Variants in MOXD1 observed in about 807,000 individuals in gnomAD.
MOXD1 encodes the protein monooxygenase DBH like 1.
MOXD1 carries 62 observed loss-of-function variants against 66.6 expected under a neutral mutation model. The ratio of observed to expected loss-of-function variants is 0.93; its 90% confidence interval spans 0.76 to 1.15. The LOEUF is 1.15. Ranked by LOEUF, MOXD1 falls within the 50% of genes most tolerant of loss-of-function variation. The probability of loss-of-function intolerance (pLI) is 0.00; values close to 1 mark genes in which losing one functional copy is unlikely to be tolerated. For synonymous variants in MOXD1, 303 were observed against 281.9 expected, an observed-to-expected ratio of 1.07 and a Z score of -0.75; for missense variants, 847 against 754.6, an observed-to-expected ratio of 1.12 and a Z score of -1.44.
At chr6:132,328,936 C>T (rs1225632663) in intron 4 of MOXD1, among the ~76,000 whole-genome samples, 1 of 151,968 alleles carries the variant, frequency 6.6e-6, no homozygotes, top group Non-Finnish European at 1.5e-5. Context: ...TCCAGGTTTG[C>T]TCTTCCTCCT....
At chr6:132,360,526 C>A (rs143141152) in intron 4 of MOXD1, among the ~76,000 whole-genome samples, 3 of 152,200 alleles carry the variant, frequency 2.0e-5, no homozygotes, top group African/African-American at 7.2e-5. Flanking sequence ...ACCTAAAATT[C>A]ATCTACTCTG....
chr6:132,331,519 A>G (rs752199116), intron 4 of MOXD1, among the ~76,000 whole-genome samples: 1 of 152,136 alleles, frequency 6.6e-6, no homozygotes, highest in Admixed American at 6.5e-5. Flanking sequence ...CTTCATAGGA[A>G]GTGCTAAAAC....
chr6:132,397,636 C>CAGAAAGAAAGAAAGAAAGAA (rs71759740), intron 1 of MOXD1, among the ~76,000 whole-genome samples: 1 of 122,312 alleles, frequency 8.2e-6, no homozygotes, highest in Non-Finnish European at 1.7e-5. Flanking sequence ...GAGAGAGAGA[C>CAGAAAGAAAGAAAGAAAGAA]AGAAAGAAAG....
intron 1 of MOXD1, among the ~76,000 whole-genome samples, chr6:132,398,361 A>G (rs1298875007): frequency 6.6e-6 from 1 of 152,264 alleles, no homozygotes; most frequent in East Asian, 1.9e-4. Context: ...AATAAAAGTC[A>G]GAAAAATTTT....
chr6:132,356,567 A>T (rs1181419488), intron 4 of MOXD1, among the ~76,000 whole-genome samples: 1 of 152,234 alleles, frequency 6.6e-6, no homozygotes, highest in Non-Finnish European at 1.5e-5. Context: ...ACTTACAAGA[A>T]CATTTACTGA....
chr6:132,348,427 T>C (rs1775710031), intron 4 of MOXD1, among the ~76,000 whole-genome samples: 1 of 152,208 alleles, frequency 6.6e-6, no homozygotes, highest in African/African-American at 2.4e-5. Context: ...AACTCAAAGA[T>C]CAAGGTGGGT....
chr6:132,382,568 C>T (rs991446217), intron 1 of MOXD1, among the ~76,000 whole-genome samples: 3 of 152,018 alleles, frequency 2.0e-5, no homozygotes, highest in Admixed American at 2.0e-4. Context: ...CTTGTTACAC[C>T]TGAAAATGAG....
chr6:132,382,005 T>A (rs933736170), intron 1 of MOXD1, among the ~76,000 whole-genome samples: 1 of 152,118 alleles, frequency 6.6e-6, no homozygotes, highest in Non-Finnish European at 1.5e-5. Context: ...TCCTCAGCTA[T>A]CTTCCTATGG....
At chr6:132,359,176 G>A (rs1474839230) in intron 4 of MOXD1, among the ~76,000 whole-genome samples, 1 of 151,540 alleles carries the variant, frequency 6.6e-6, no homozygotes, top group African/African-American at 2.4e-5. Flanking sequence ...CTGGAGTGCA[G>A]TGGTGAGAAA....
In MOXD1 at chr6:132,372,591, A is replaced by G. The variant is rs762202363; in HGVS notation, c.663+17T>C. 7.6e-6 allele frequency: 12 copies of G among 1,585,890 alleles called. No individual in the cohort carries two copies. The highest frequency in any genetic ancestry group is 1.7e-4 in the Middle Eastern group (1 of 6,040). On this transcript the variant is annotated intron_variant, in intron 4 of 11. Coordinates refer to ENST00000367963, the MANE Select transcript of MOXD1 (RefSeq NM_015529.4). ...CACTCATGAAAATTAATTTTAGCCTATGAATGAGTCACATACCTTTATTAC... is the reference window on the plus strand; with the variant it reads ...CACTCATGAAAATTAATTTTAGCCTGTGAATGAGTCACATACCTTTATTAC...
chr6:132,385,824 C>T (rs922399445), intron 1 of MOXD1, among the ~76,000 whole-genome samples: 2 of 151,578 alleles, frequency 1.3e-5, no homozygotes, highest in African/African-American at 2.4e-5. Context: ...GAAAAGAGGC[C>T]GGGCGAGGTG....
At chr6:132,363,234 A>C (rs1316157502) in intron 4 of MOXD1, among the ~76,000 whole-genome samples, 1 of 132,950 alleles carries the variant, frequency 7.5e-6, no homozygotes, top group East Asian at 2.2e-4. Context: ...AAAAAAAAAA[A>C]CCAAAGAGAC....
chr6:132,314,692 C>T (rs1165267420), intron 10 of MOXD1, among the ~76,000 whole-genome samples: 3 of 152,116 alleles, frequency 2.0e-5, no homozygotes, highest in East Asian at 1.9e-4. Flanking sequence ...TCACGGAGGT[C>T]GCTGCTCAGA....
intron 10 of MOXD1, among the ~76,000 whole-genome samples, chr6:132,306,096 C>G (rs919605357): frequency 6.6e-6 from 1 of 151,940 alleles, no homozygotes; most frequent in Non-Finnish European, 1.5e-5. Context: ...TAACCCAATG[C>G]AAAGAAGCTA....
Position 132,297,108 on chromosome 6 carries a change from A to G in MOXD1, c.*45T>C. On this transcript the variant is annotated 3_prime_UTR_variant, in exon 12 of 12. Transcript: ENST00000367963. ...GTCTTTAACCTGTACTTCAAATGAC[A>G]GGTTCAGATCATAGAAAACATTGTC... The G allele has an allele frequency of 1.3e-6, 2 of 1,588,314 alleles. No individual in the cohort carries two copies. Among genetic ancestry groups the G allele is most frequent in the South Asian group, 1.1e-5 (1 of 88,882 alleles).
At chr6:132,359,880 A>C (rs1775983390) in intron 4 of MOXD1, among the ~76,000 whole-genome samples, 1 of 152,226 alleles carries the variant, frequency 6.6e-6, no homozygotes, top group African/African-American at 2.4e-5. Context: ...AAGGCCTCAG[A>C]CTTCAGTCCT....
At chr6:132,358,840 T>A (rs544981903) in intron 4 of MOXD1, among the ~76,000 whole-genome samples, 76 of 152,322 alleles carry the variant, frequency 5.0e-4, no homozygotes, top group Admixed American at 1.6e-3. Context: ...TAAAGCAGTA[T>A]TTTTTCAAAG....
chr6:132,330,336 T>A (rs1449502878), intron 4 of MOXD1, among the ~76,000 whole-genome samples: 1 of 152,166 alleles, frequency 6.6e-6, no homozygotes. Context: ...TAGGTTCTCA[T>A]AGGAGTGCGA....
intron 4 of MOXD1, among the ~76,000 whole-genome samples, chr6:132,353,260 T>C (rs912412532): frequency 6.6e-6 from 1 of 152,166 alleles, no homozygotes; most frequent in African/African-American, 2.4e-5. Context: ...ATAGGTCCTA[T>C]GTGATTTATG....
Sources: allele counts gnomAD v4.1 joint callset (sites outside exome capture counted in the v4.1 genomes callset), GRCh38; gene constraint gnomAD v4.1.1; transcripts MANE v1.5; gene names NCBI Gene and HGNC (gene_info 2026-07-23, HGNC 2026-07-21).